Variants in BCORL1 observed in about 807,000 individuals in gnomAD.
BCORL1 encodes BCL6 corepressor like 1.
A neutral mutation model predicts 87.6 loss-of-function variants in BCORL1; 7 were observed. That is an observed-to-expected ratio of 0.08 (90% confidence interval 0.05 to 0.15). The LOEUF (loss-of-function observed/expected upper bound fraction) is 0.15, where lower values mean the gene tolerates loss of function less well. BCORL1 is among the 10% of genes least tolerant of loss of function. The pLI is 1.00. For synonymous variants in BCORL1, 591 were observed against 634.4 expected (o/e 0.93, Z 1.03); for missense variants, 1,215 against 1,499.7 (o/e 0.81, Z 3.13).
At chrX:130,055,805 C>G in intron 13 of BCORL1, 49 bp from the exon 14 acceptor site, 9 of 1,153,356 alleles carry the variant, frequency 7.8e-6, no homozygotes, top group Non-Finnish European at 1.0e-5. Flanking sequence ...TCGGTGCCCC[C>G]ACCGCTTCCT....
intron 1 of BCORL1, among the ~76,000 whole-genome samples, chrX:129,996,525 T>C (rs775214965): frequency 1.7e-4 from 19 of 111,834 alleles, no homozygotes; most frequent in Non-Finnish European, 3.0e-4. Context: ...GTTCCATAAG[T>C]TGAGTGTTCT....
chrX:129,991,056 C>A (rs1366248725), intron 1 of BCORL1, among the ~76,000 whole-genome samples: 1 of 111,879 alleles, frequency 8.9e-6, no homozygotes, highest in Non-Finnish European at 1.9e-5. Context: ...CTGCCTCAGC[C>A]TCCCGTGTAG....
intron 2 of BCORL1, among the ~76,000 whole-genome samples, chrX:130,006,561 A>G (rs58008045): frequency 0.012 from 1,286 of 109,223 alleles, 17 homozygotes; most frequent in African/African-American, 0.032. Flanking sequence ...GGGTTTCACC[A>G]TGTTAGCCAG....
At chrX:129,990,332 C>T (rs762062305) in intron 1 of BCORL1, among the ~76,000 whole-genome samples, 3 of 110,028 alleles carry the variant, frequency 2.7e-5, no homozygotes, top group South Asian at 3.9e-4. Flanking sequence ...CCTGGATTCA[C>T]GCCATCCTCC....
intron 11 of BCORL1, among the ~76,000 whole-genome samples, chrX:130,049,010 A>C (rs1931920129): frequency 8.9e-6 from 1 of 112,441 alleles, no homozygotes; most frequent in Admixed American, 9.4e-5. Context: ...CACTGTATGG[A>C]TATACCACAT....
In BCORL1 at chrX:130,015,635, A is replaced by C. The variant is rs1057522091; in HGVS notation, c.2863A>C (p.Ser955Arg). 34 of 1,210,273 alleles carry C rather than the reference A, an allele frequency of 2.8e-5. No homozygotes were observed. Among genetic ancestry groups the C allele is most frequent in the Non-Finnish European group, 3.6e-5 (32 of 895,256 alleles). The change falls in exon 4 of 14, where the codon AGC becomes CGC. Residue 955 changes from serine (S) to arginine (R), a missense_variant. Ser to Arg is a moderately radical substitution (Grantham distance 110). Coordinates refer to ENST00000540052, the MANE Select transcript of BCORL1 (RefSeq NM_001379451.1). ...RMNQGPEESE[S>R]HLCSDSTPKM... is the part of the protein sequence containing the mutation. ...GAATCAGGGGCCTGAGGAATCAGAGAGCCACCTCTGCTCTGACAGCACTCC... is the reference window on the plus strand; with the variant it reads ...GAATCAGGGGCCTGAGGAATCAGAGCGCCACCTCTGCTCTGACAGCACTCC...
intron 11 of BCORL1, 76 bp from the exon 12 acceptor site, chrX:130,050,641 G>A (rs1048171647): frequency 2.2e-5 from 19 of 876,897 alleles, no homozygotes; most frequent in East Asian, 1.6e-4. Context: ...CCTTAGCCCC[G>A]TATGCATGGA....
At chrX:129,987,387 G>A (rs1455205309) in intron 1 of BCORL1, among the ~76,000 whole-genome samples, 1 of 112,368 alleles carries the variant, frequency 8.9e-6, no homozygotes, top group Non-Finnish European at 1.9e-5. Flanking sequence ...TGGAGCCGGT[G>A]TTAGGGAGCG....
At position 130,013,816 on chromosome X, in the gene BCORL1, G is replaced by A. The variant is rs933513286; in HGVS notation, c.1044G>A (p.Ala348=). The A allele has an allele frequency of 3.4e-6, 4 of 1,166,496 alleles. No individual in the cohort carries two copies. Among genetic ancestry groups the A allele is most frequent in the Admixed American group, 2.6e-5 (1 of 38,576 alleles). The change falls in exon 4 of 14, where the codon GCG becomes GCA. Residue 348 remains alanine (A), a synonymous_variant. Coordinates refer to ENST00000540052, the MANE Select transcript of BCORL1 (RefSeq NM_001379451.1). The part of the protein sequence containing the change: ...LAPMPASTPP[A]APAPPSVPMP... ...CCATGCCAGCATCCACGCCTCCAGC[G>A]GCCCCTGCCCCTCCGTCTGTGCCCA...
chrX:129,998,098 G>A (rs1927708233), intron 1 of BCORL1, among the ~76,000 whole-genome samples: 1 of 109,575 alleles, frequency 9.1e-6, no homozygotes, highest in African/African-American at 3.3e-5. Context: ...TATCTTTTGA[G>A]TTTTTTCCCC....
At chrX:129,980,454 G>T (rs1015512543), upstream of BCORL1, among the ~76,000 whole-genome samples, 1 of 112,251 alleles carries the variant, frequency 8.9e-6, no homozygotes, top group Non-Finnish European at 1.9e-5. Context: ...GGGGCGGGGG[G>T]AGGATAAAGA....
intron 1 of BCORL1, among the ~76,000 whole-genome samples, chrX:130,004,157 G>A (rs752524687): frequency 1.8e-5 from 2 of 110,409 alleles, no homozygotes; most frequent in South Asian, 3.9e-4. Flanking sequence ...TTGTCAAAGC[G>A]AGAGAGGGAC....
intron 1 of BCORL1, among the ~76,000 whole-genome samples, chrX:129,999,648 C>T (rs755124311): frequency 1.1e-4 from 12 of 104,817 alleles, no homozygotes; most frequent in Non-Finnish European, 2.3e-4. Flanking sequence ...ATGGCAAGAA[C>T]AGCCCCTTCC....
chrX:130,008,529 T>C (rs1462152390), intron 2 of BCORL1, among the ~76,000 whole-genome samples: 1 of 111,099 alleles, frequency 9.0e-6, no homozygotes, highest in Non-Finnish European at 1.9e-5. Context: ...TCCCAAAGTG[T>C]TGAGATTACA....
rs758483334 is a variant in BCORL1 at position 130,037,551 on chromosome X, C to A, written c.4694+18C>A. ...GGCACGAGGCAAGAGGGCTGCATCT[C>A]CCCCCAGTCCCGCCCTCACTCCCAG... On this transcript the variant is annotated intron_variant, in intron 10 of 13. Transcript: ENST00000540052. 5.9e-6 allele frequency: 7 copies of A among 1,184,765 alleles called. No homozygotes were observed. In the African/African-American group the frequency reaches 1.1e-4, roughly 18 times the overall value.
rs772748555 is a variant in BCORL1 at position 130,021,020 on chromosome X, C to G, written c.3477C>G (p.Thr1159=). The change falls in exon 5 of 14, where the codon ACC becomes ACG. Residue 1159 remains threonine, a synonymous_variant. Transcript: ENST00000540052. ...RKLPSDPQES[T]KKSPRGASDS... is the part of the protein sequence containing the mutation. ...TGCCCAGTGACCCCCAGGAATCCAC[C>G]AAGAAAAGCCCCAGGGGGGCTTCAG... is the stretch of plus-strand genomic sequence containing the variant. The G allele has an allele frequency of 1.7e-6, 2 of 1,177,205 alleles. No homozygotes were observed. Among genetic ancestry groups the G allele is most frequent in the Non-Finnish European group, 1.1e-6 (1 of 883,349 alleles).
In BCORL1 at chrX:129,986,092, C is replaced by T. The variant is rs756363976; in HGVS notation, c.-45+3330C>T. ...TCTTGAACTCCTGACCTCAGGTGAT[C>T]CATCCGGCCCAGTTTATTTTTGTCC... On this transcript the variant is annotated intron_variant, in intron 1 of 13. Coordinates refer to ENST00000540052, the MANE Select transcript of BCORL1 (RefSeq NM_001379451.1). Among the ~76,000 whole-genome samples, 13 of 111,754 alleles carry T rather than the reference C, an allele frequency of 1.2e-4. No homozygotes were observed. In the South Asian group the frequency reaches 1.9e-3, roughly 16 times the overall value.
At chrX:129,999,679 C>CT (rs58107259) in intron 1 of BCORL1, among the ~76,000 whole-genome samples, 1 of 102,301 alleles carries the variant, frequency 9.8e-6, no homozygotes, top group Non-Finnish European at 2.0e-5. Flanking sequence ...TCCTCTAATT[C>CT]TTTTTCCCCC....
chrX:129,987,727 G>C (rs988986922), intron 1 of BCORL1, among the ~76,000 whole-genome samples: 4 of 111,874 alleles, frequency 3.6e-5, no homozygotes, highest in African/African-American at 1.3e-4. Flanking sequence ...GCATGGAAGA[G>C]AGGCTCTAAT....
Sources: gnomAD v4.1 joint callset for allele counts (sites outside exome capture counted in the v4.1 genomes callset) on GRCh38, gnomAD v4.1.1 for gene constraint, MANE v1.5 for transcripts, NCBI Gene and HGNC (gene_info 2026-07-23, HGNC 2026-07-21) for gene names.